ANKRD33B: variants seen among roughly 807,000 people sequenced by gnomAD.
The protein encoded by ANKRD33B is ankyrin repeat domain 33B, also known as ankyrin repeat domain-containing protein 33B.
In ANKRD33B, 6 loss-of-function variants were observed where a neutral mutation model predicts 21.5. The observed-to-expected ratio is 0.28, with a 90% CI of 0.15 to 0.55. The LOEUF (loss-of-function observed/expected upper bound fraction) is 0.55. ANKRD33B is among the 20% of genes least tolerant of loss of function. The probability of loss-of-function intolerance (pLI) is 0.94; values close to 1 mark genes in which losing one functional copy is unlikely to be tolerated. For synonymous variants in ANKRD33B, 347 were observed against 342.4 expected, an observed-to-expected ratio of 1.01 and a Z score of -0.15; for missense variants, 698 against 747.2, an observed-to-expected ratio of 0.93 and a Z score of 0.77.
At chr5:10,565,992 G>T (rs1265065131) in intron 1 of ANKRD33B, among the ~76,000 whole-genome samples, 3 of 152,170 alleles carry the variant, frequency 2.0e-5, no homozygotes, top group Non-Finnish European at 2.9e-5. Context: ...TGTGGTTTGG[G>T]CTGGGCTTAG....
At chr5:10,614,622 C>T (rs1198354167) in intron 1 of ANKRD33B, among the ~76,000 whole-genome samples, 1 of 152,006 alleles carries the variant, frequency 6.6e-6, no homozygotes, top group Non-Finnish European at 1.5e-5. Context: ...TGCCATGGCT[C>T]ACACCTGTAA....
intron 1 of ANKRD33B, among the ~76,000 whole-genome samples, chr5:10,574,778 T>C (rs1461517097): frequency 6.6e-6 from 1 of 151,950 alleles, no homozygotes; most frequent in African/African-American, 2.4e-5. Flanking sequence ...AAGAATGTCA[T>C]CCTATTAAAC....
At chr5:10,631,004 C>T (rs1056719179) in intron 2 of ANKRD33B, among the ~76,000 whole-genome samples, 1 of 152,252 alleles carries the variant, frequency 6.6e-6, no homozygotes, top group African/African-American at 2.4e-5. Context: ...GAGTGACTCT[C>T]CCTGGAACAG....
At position 10,619,370 on chromosome 5, in the gene ANKRD33B, G is replaced by A. The variant is rs577766338; in HGVS notation, c.496+908G>A. On this transcript the variant is annotated intron_variant, in intron 2 of 3. Coordinates refer to ENST00000296657, the MANE Select transcript of ANKRD33B (RefSeq NM_001164440.2). This position sits in a 1 kb window ranked among gnomAD's most constrained non-coding sequence, Gnocchi z 4.5. ...CCTGGAAACTGGAGGAAGTGCCCCC[G>A]ACCACACTGTATGTTGATTCTGGTT... 2.9e-5 allele frequency: 29 copies of A among 985,272 alleles called. No individual in the cohort carries two copies. Among genetic ancestry groups the A allele is most frequent in the South Asian group, 2.3e-4 (5 of 21,286 alleles). The allele number at this position is 985,272 out of a possible 1,614,324, so 61.0% of individuals were successfully genotyped here. A position where few individuals can be genotyped will look rare whatever the true frequency, so the allele number is the denominator to read the frequency against.
chr5:10,597,512 C>G (rs1372301099), intron 1 of ANKRD33B, among the ~76,000 whole-genome samples: 1 of 152,132 alleles, frequency 6.6e-6, no homozygotes, highest in Admixed American at 6.5e-5. Flanking sequence ...TATATATGCA[C>G]CCAATACAGG....
chr5:10,585,540 C>T (rs1474344671), intron 1 of ANKRD33B, among the ~76,000 whole-genome samples: 4 of 152,180 alleles, frequency 2.6e-5, no homozygotes, highest in South Asian at 4.1e-4. Flanking sequence ...GGAAAAGAAA[C>T]GCACTGAGAA....
intron 1 of ANKRD33B, among the ~76,000 whole-genome samples, chr5:10,605,267 A>G (rs1048952508): frequency 1.3e-5 from 2 of 152,208 alleles, no homozygotes; most frequent in African/African-American, 2.4e-5. Context: ...TACTCCTGCC[A>G]TATGGGGCCA....
intron 1 of ANKRD33B, among the ~76,000 whole-genome samples, chr5:10,573,526 T>G (rs1161089089): frequency 6.6e-6 from 1 of 151,202 alleles, no homozygotes; most frequent in Non-Finnish European, 1.5e-5. Context: ...ACTGTATTAG[T>G]CTGTTTTCAT....
intron 1 of ANKRD33B, among the ~76,000 whole-genome samples, chr5:10,596,408 G>C (rs994402774): frequency 1.6e-4 from 25 of 152,212 alleles, no homozygotes. Context: ...TTATAAGTGA[G>C]AACATGCAGT....
In ANKRD33B at chr5:10,651,996, G is replaced by C. The variant is rs756970726; in HGVS notation, c.*1883G>C. 1 of 152,344 alleles carries C rather than the reference G, an allele frequency of 6.6e-6. No individual in the cohort carries two copies. The highest frequency in any genetic ancestry group is 1.5e-5 in the Non-Finnish European group (1 of 68,050). 9.4% of individuals were successfully genotyped at this position (152,344 alleles called of 1,614,324 possible). ...GAACTGCAGATATTAGTTGACTGTG[G>C]GTCACCCTCGTGGCCAAGGAGTTGG... On this transcript the variant is annotated 3_prime_UTR_variant, in exon 4 of 4. Coordinates refer to ENST00000296657, the MANE Select transcript of ANKRD33B (RefSeq NM_001164440.2).
In ANKRD33B at chr5:10,653,302, G is replaced by A. The variant is rs1274205866; in HGVS notation, c.*3189G>A. On this transcript the variant is annotated 3_prime_UTR_variant, in exon 4 of 4. Coordinates refer to ENST00000296657, the MANE Select transcript of ANKRD33B (RefSeq NM_001164440.2). ...AGTAGAGGAATTTTCCAAGTCAAGG[G>A]AAGTGTTGCCAAACCTCTTGCCTCG... is the stretch of plus-strand genomic sequence containing the variant. 1 of 152,536 alleles carries A rather than the reference G, an allele frequency of 6.6e-6. No individual in the cohort carries two copies. Among genetic ancestry groups the A allele is most frequent in the Non-Finnish European group, 1.5e-5 (1 of 68,164 alleles). The allele number at this position is 152,536 out of a possible 1,614,324, so 9.4% of individuals were successfully genotyped here.
chr5:10,648,093 A>G (rs1737231061), intron 3 of ANKRD33B, among the ~76,000 whole-genome samples: 1 of 152,210 alleles, frequency 6.6e-6, no homozygotes, highest in African/African-American at 2.4e-5. Context: ...GCCCACAGCC[A>G]CTGTGACTGC....
chr5:10,607,189 G>A (rs1042971856), intron 1 of ANKRD33B, among the ~76,000 whole-genome samples: 2 of 152,208 alleles, frequency 1.3e-5, no homozygotes, highest in Non-Finnish European at 2.9e-5. Flanking sequence ...AGAATAGACT[G>A]TGATGCTGTG....
In ANKRD33B at chr5:10,615,165, G is replaced by C. The variant is rs16884994; in HGVS notation, c.367-3168G>C. Among the ~76,000 whole-genome samples, 484 of 152,254 alleles carry C rather than the reference G, an allele frequency of 3.2e-3. 1 individual carries two copies. Among genetic ancestry groups the C allele is most frequent in the African/African-American group, 0.011 (458 of 41,528 alleles). The stretch of plus-strand genomic sequence containing the variant: ...TCTCTCTTGTATCCACCTAGGGAAG[G>C]CATTCCTTTTAACCTGAGCCCTTTA... On this transcript the variant is annotated intron_variant, in intron 1 of 3. Transcript: ENST00000296657.
intron 1 of ANKRD33B, among the ~76,000 whole-genome samples, chr5:10,574,862 T>A (rs1427514939): frequency 0.013 from 162 of 12,302 alleles, 3 homozygotes; most frequent in Middle Eastern, 0.042. Flanking sequence ...GGAGAGCTGC[T>A]TAAGGCCAGG....
intron 1 of ANKRD33B, among the ~76,000 whole-genome samples, chr5:10,609,166 AT>A (rs1736113439): frequency 6.6e-6 from 1 of 152,242 alleles, no homozygotes; most frequent in Non-Finnish European, 1.5e-5. Context: ...TATTGATTAC[AT>A]TTTGAAATGG....
At chr5:10,627,188 T>C (rs1688168368) in intron 2 of ANKRD33B, 1 of 152,190 alleles carries the variant, frequency 6.6e-6, no homozygotes, top group Non-Finnish European at 1.5e-5. Flanking sequence ...TAGCCAGTCA[T>C]TTCAACTTTC....
rs763487010 is a variant in ANKRD33B, at chr5:10,624,879, T to C, written c.496+6417T>C. The C allele has an allele frequency of 6.2e-5, 28 of 451,060 alleles. 1 individual carries two copies. Among genetic ancestry groups the C allele is most frequent in the Non-Finnish European group, 7.6e-5 (17 of 224,936 alleles). The allele number at this position is 451,060 out of a possible 1,614,324, so 27.9% of individuals were successfully genotyped here. On this transcript the variant is annotated intron_variant, in intron 2 of 3. Coordinates refer to ENST00000296657, the MANE Select transcript of ANKRD33B (RefSeq NM_001164440.2). ...AGGCCCTGCCCCTGGAGTCTTTCTT[T>C]GAATAGGCCTGGGGTGGGGCCCAAG...
chr5:10,649,342 T>G lies in ANKRD33B; in HGVS notation c.714T>G (p.Asp238Glu). ...GGGCCACTTACACGGGCCGCGTGGATGCCGTCCGTCTCATGCAGAGGCTGC... is the reference window on the plus strand; with the variant it reads ...GGGCCACTTACACGGGCCGCGTGGAGGCCGTCCGTCTCATGCAGAGGCTGC... ...QEWATYTGRV[D>E]AVRLMQRLLE... The change falls in exon 4 of 4, where the codon GAT (aspartate) becomes GAG (glutamate). Residue 238 changes from aspartate (D) to glutamate (E), a missense_variant. Around this residue, in one of 3 missense-constraint regions of ANKRD33B, gnomAD observed 543 missense variants for 566.5 expected, o/e 0.96. Coordinates refer to ENST00000296657, the MANE Select transcript of ANKRD33B (RefSeq NM_001164440.2). The G allele has an allele frequency of 2.0e-6, 3 of 1,535,132 alleles. No individual in the cohort carries two copies. The highest frequency in any genetic ancestry group is 2.6e-6 in the Non-Finnish European group (3 of 1,146,644).
Sources: allele counts gnomAD v4.1 joint callset (sites outside exome capture counted in the v4.1 genomes callset), GRCh38; gene constraint gnomAD v4.1.1; regional missense constraint gnomAD v4.1.1; non-coding constraint Gnocchi (gnomAD v3.1); transcripts MANE v1.5; gene names NCBI Gene and HGNC (gene_info 2026-07-23, HGNC 2026-07-21).